The following CAMSAP1 variants were observed in gnomAD, a reference collection of about 807,000 sequenced individuals.
The protein encoded by CAMSAP1 is calmodulin regulated spectrin associated protein 1.
A neutral mutation model predicts 143.5 loss-of-function variants in CAMSAP1; 58 were observed. That is an observed-to-expected ratio of 0.40 (90% CI 0.33 to 0.50). The LOEUF (loss-of-function observed/expected upper bound fraction) is 0.50. CAMSAP1 is among the 20% of genes least tolerant of loss of function. CAMSAP1 has a pLI of 0.45. For missense variants in CAMSAP1, 1,969 were observed against 2,115.7 expected, an observed-to-expected ratio of 0.93 and a Z score of 1.36; for synonymous variants, 945 against 859.3, an observed-to-expected ratio of 1.10 and a Z score of -1.74.
At chr9:135,817,839 G>C in intron 14 of CAMSAP1, 138 bp downstream of exon 14, 1 of 711,966 alleles carries the variant, frequency 1.4e-6, no homozygotes, top group Non-Finnish European at 2.3e-6. Context: ...TGACATGATT[G>C]CAACTATTCT....
chr9:135,847,164 G>A (rs78553559), intron 7 of CAMSAP1, among the ~76,000 whole-genome samples: 21,374 of 151,346 alleles, frequency 0.14, 1,691 homozygotes, highest in Non-Finnish European at 0.17. Context: ...TGGCTAACAC[G>A]GTGAAACCCC....
intron 1 of CAMSAP1, among the ~76,000 whole-genome samples, chr9:135,896,123 T>C (rs1276453184): frequency 6.6e-6 from 1 of 151,880 alleles, no homozygotes. Flanking sequence ...TGGTAGAGGG[T>C]AGATTAAAAA....
chr9:135,828,645 T>C (rs1471543961), intron 7 of CAMSAP1, among the ~76,000 whole-genome samples: 1 of 152,212 alleles, frequency 6.6e-6, no homozygotes, highest in East Asian at 1.9e-4. Flanking sequence ...CTGAAATTCT[T>C]TGAGCCTACA....
intron 7 of CAMSAP1, among the ~76,000 whole-genome samples, chr9:135,846,404 G>GT (rs1312819652): frequency 2.0e-5 from 3 of 152,110 alleles, no homozygotes; most frequent in South Asian, 2.1e-4. Context: ...TTAATTAAAT[G>GT]TAAGACCTAA....
chr9:135,859,334 A>G (rs1564444607), intron 5 of CAMSAP1, among the ~76,000 whole-genome samples: 1 of 152,328 alleles, frequency 6.6e-6, no homozygotes, highest in Non-Finnish European at 1.5e-5. Context: ...TTTATCAATC[A>G]GTTTCTGTTA....
chr9:135,819,283 G>T, intron 11 of CAMSAP1, 137 bp from the exon 12 acceptor site: 1 of 1,200,094 alleles, frequency 8.3e-7, no homozygotes, highest in Non-Finnish European at 1.1e-6. Flanking sequence ...TTCTCTAACC[G>T]TTACAGACTC....
chr9:135,811,034 G>T lies in CAMSAP1; in HGVS notation c.*275C>A. 1 of 469,256 alleles carries T rather than the reference G, an allele frequency of 2.1e-6. No homozygotes were observed. Among genetic ancestry groups the T allele is most frequent in the Non-Finnish European group, 3.8e-6 (1 of 260,530 alleles). 29.1% of individuals were successfully genotyped at this position (469,256 alleles called of 1,614,324 possible). ...ACACCCTCCGCTGGGAGCCTCAGTGGTCAGCAGTGGCCACAGCAGTGCGAG... is the reference window on the plus strand; with the variant it reads ...ACACCCTCCGCTGGGAGCCTCAGTGTTCAGCAGTGGCCACAGCAGTGCGAG... On this transcript the variant is annotated 3_prime_UTR_variant, in exon 17 of 17. Transcript: ENST00000389532. This position sits in a 1 kb window ranked among gnomAD's most constrained non-coding sequence, Gnocchi z 4.9.
At chr9:135,834,166 G>A (rs891329128) in intron 7 of CAMSAP1, among the ~76,000 whole-genome samples, 1 of 152,138 alleles carries the variant, frequency 6.6e-6, no homozygotes, top group Non-Finnish European at 1.5e-5. Flanking sequence ...GTATTGAGGA[G>A]AATGTGGAGA....
chr9:135,835,508 T>C (rs1463792068), intron 7 of CAMSAP1, among the ~76,000 whole-genome samples: 2 of 152,108 alleles, frequency 1.3e-5, no homozygotes, highest in African/African-American at 2.4e-5. Flanking sequence ...AGTCACAGAA[T>C]TGAGAACAGG....
chr9:135,829,068 T>C (rs374621275), intron 7 of CAMSAP1, among the ~76,000 whole-genome samples: 9 of 152,222 alleles, frequency 5.9e-5, no homozygotes, highest in African/African-American at 2.2e-4. Context: ...GAATTCTTCA[T>C]ATTGAATCAA....
At chr9:135,865,386 GA>G in intron 4 of CAMSAP1, 2 of 1,550,640 alleles carry the variant, frequency 1.3e-6, no homozygotes. Flanking sequence ...GCGAGAGAAG[GA>G]AGGCAGGAGA....
intron 4 of CAMSAP1, among the ~76,000 whole-genome samples, chr9:135,863,561 TGAG>T (rs1028939552): frequency 2.0e-5 from 3 of 152,182 alleles, no homozygotes; most frequent in Non-Finnish European, 4.4e-5. Flanking sequence ...TGAATCAACT[TGAG>T]GAGAAATTGT....
intron 7 of CAMSAP1, among the ~76,000 whole-genome samples, chr9:135,838,700 A>G (rs1489806650): frequency 1.3e-5 from 2 of 149,590 alleles, no homozygotes; most frequent in Non-Finnish European, 3.0e-5. Context: ...GTCATCACGC[A>G]CTTTCCACCC....
chr9:135,847,958 G>GGGAGGGGGAGGA (rs1836635899), intron 7 of CAMSAP1, among the ~76,000 whole-genome samples: 1 of 114,422 alleles, frequency 8.7e-6, no homozygotes, highest in African/African-American at 3.4e-5. Flanking sequence ...GGGGGGGAGG[G>GGGAGGGGGAGGA]GGAGGAGTGA....
chr9:135,822,650 A>C lies in CAMSAP1; in HGVS notation c.2011T>G (p.Ser671Ala). 1 of 1,608,352 alleles carries C rather than the reference A, an allele frequency of 6.2e-7. No homozygotes were observed. Among genetic ancestry groups the C allele is most frequent in the South Asian group, 1.1e-5 (1 of 90,870 alleles). Residue 671 changes from serine to alanine, a missense_variant, in exon 11 of 17, where the codon TCA becomes GCA. This residue lies in a region of CAMSAP1 where 1,390 missense variants were observed against 1,420.8 expected (regional missense o/e 0.98). Coordinates refer to ENST00000389532, the MANE Select transcript of CAMSAP1 (RefSeq NM_015447.4). The surrounding 1 kb of genome is among the most constrained non-coding windows in gnomAD (Gnocchi z 6.1). ...GIDPTETGPL[S>A]VETAGEVCGG... is the part of the protein sequence containing the mutation. Reference sequence around the variant, plus strand: ...CAGACCTCTCCTGCGGTTTCCACTGACAGTGGTCCTGTCTCGGTGGGGTCG... The same window carrying C: ...CAGACCTCTCCTGCGGTTTCCACTGCCAGTGGTCCTGTCTCGGTGGGGTCG...
Position 135,883,025 on chromosome 9 carries a change from C to T in CAMSAP1, c.214G>A (p.Glu72Lys), listed in dbSNP as rs749295382. 1.3e-6 allele frequency: 2 copies of T among 1,551,652 alleles called. No homozygotes were observed. Among genetic ancestry groups the T allele is most frequent in the Non-Finnish European group, 1.7e-6 (2 of 1,147,004 alleles). ...DPFYVDQYEQEHIKPPVIKLL... is the reference protein window; with the variant it reads ...DPFYVDQYEQKHIKPPVIKLL... ...TTGATAACAGGCGGCTTAATGTGCT[C>T]CTGCTCATACTGGTCAACGTAGAAA... Residue 72 changes from glutamate (E) to lysine (K), a missense_variant, in exon 2 of 17, where the codon GAG becomes AAG. By Grantham distance (56) the Glu-to-Lys change is moderately conservative. Coordinates refer to ENST00000389532, the MANE Select transcript of CAMSAP1 (RefSeq NM_015447.4).
chr9:135,854,473 C>CTT (rs111395128), intron 5 of CAMSAP1, among the ~76,000 whole-genome samples: 27 of 147,614 alleles, frequency 1.8e-4, no homozygotes, highest in South Asian at 1.3e-3. Context: ...TTTGCCAAAA[C>CTT]TTTTTTTTTT....
chr9:135,903,028 G>C (rs973630576), intron 1 of CAMSAP1, among the ~76,000 whole-genome samples: 2 of 152,152 alleles, frequency 1.3e-5, no homozygotes, highest in African/African-American at 4.8e-5. Context: ...TTTTAACATT[G>C]TCCTTGAGAG....
chr9:135,889,985 G>C (rs1564460267), intron 1 of CAMSAP1, among the ~76,000 whole-genome samples: 1 of 152,148 alleles, frequency 6.6e-6, no homozygotes, highest in Non-Finnish European at 1.5e-5. Context: ...TGCACAGCCT[G>C]AGCCTGGAAA....
Sources: gnomAD v4.1 joint callset for allele counts (sites outside exome capture counted in the v4.1 genomes callset) on GRCh38, gnomAD v4.1.1 for gene constraint, gnomAD v4.1.1 regional missense constraint, Gnocchi (gnomAD v3.1) non-coding constraint, MANE v1.5 for transcripts, NCBI Gene and HGNC (gene_info 2026-07-23, HGNC 2026-07-21) for gene names.